Variants in MARCHF1 observed in about 807,000 individuals in gnomAD.
The protein encoded by MARCHF1 is membrane associated ring-CH-type finger 1, also known as E3 ubiquitin-protein ligase MARCHF1.
MARCHF1 carries 40 observed loss-of-function variants against 54.2 expected under a neutral mutation model. The observed-to-expected ratio is 0.74, with a 90% CI of 0.57 to 0.96. The LOEUF is 0.96. Among genes scored for constraint, MARCHF1 ranks in the 40% least tolerant of loss-of-function variants. The pLI is 0.00. For missense variants in MARCHF1, 586 were observed against 656.5 expected, an observed-to-expected ratio of 0.89 and a Z score of 1.17; for synonymous variants, 236 against 236.3, an observed-to-expected ratio of 1.00 and a Z score of 0.01.
At chr4:163,744,020 G>T (rs1318418786) in intron 4 of MARCHF1, among the ~76,000 whole-genome samples, 1 of 152,174 alleles carries the variant, frequency 6.6e-6, no homozygotes, top group Non-Finnish European at 1.5e-5. Context: ...TACTTCAAAT[G>T]TAGTTGTTCC....
chr4:163,816,520 T>C (rs1370192533), intron 4 of MARCHF1, among the ~76,000 whole-genome samples: 1 of 151,968 alleles, frequency 6.6e-6, no homozygotes, highest in African/African-American at 2.4e-5. Flanking sequence ...TTAGGAATAC[T>C]ATTTTATAAT....
intron 1 of MARCHF1, among the ~76,000 whole-genome samples, chr4:164,259,544 C>CAAAA (rs141030578): frequency 1.4e-3 from 80 of 58,910 alleles, no homozygotes; most frequent in African/African-American, 2.2e-3. Flanking sequence ...GACCGTGTCT[C>CAAAA]AAAAAAAAAA....
At chr4:164,010,687 C>T (rs985972072) in intron 2 of MARCHF1, among the ~76,000 whole-genome samples, 1 of 151,940 alleles carries the variant, frequency 6.6e-6, no homozygotes, top group Non-Finnish European at 1.5e-5. Context: ...AATGATAATA[C>T]TACCCAAAGC....
At chr4:163,905,462 C>T (rs1416457529) in intron 3 of MARCHF1, among the ~76,000 whole-genome samples, 1 of 151,986 alleles carries the variant, frequency 6.6e-6, no homozygotes, top group African/African-American at 2.4e-5. Flanking sequence ...ATTGAGCTAA[C>T]TTCAATCTCA....
chr4:164,328,236 T>G (rs916107184), intron 1 of MARCHF1, among the ~76,000 whole-genome samples: 4 of 152,184 alleles, frequency 2.6e-5, no homozygotes, highest in African/African-American at 9.7e-5. Flanking sequence ...AGGTGCGTTC[T>G]GAAAGATGCT....
In MARCHF1 at chr4:163,552,857, C is replaced by A. The variant is rs555191668; in HGVS notation, c.1192-7114G>T. Among the ~76,000 whole-genome samples the A allele has an allele frequency of 3.3e-5, 5 of 152,162 alleles. No homozygotes were observed. In the East Asian group the frequency reaches 9.7e-4, roughly 29 times the overall value. On this transcript the variant is annotated intron_variant, in intron 8 of 9. Coordinates refer to ENST00000514618, the MANE Select transcript of MARCHF1 (RefSeq NM_001394959.1). ...GACCATCCTGGCCAACGTGGTGAAA[C>A]CCTGCATCTACTAAAAATACAAAAA...
At chr4:164,355,837 C>T (rs1183872589) in intron 1 of MARCHF1, among the ~76,000 whole-genome samples, 1 of 114,428 alleles carries the variant, frequency 8.7e-6, no homozygotes. Context: ...CAACCTACAA[C>T]ATGGGAGAAA....
intron 4 of MARCHF1, among the ~76,000 whole-genome samples, chr4:163,770,682 T>G (rs1043928831): frequency 6.6e-6 from 1 of 151,822 alleles, no homozygotes; most frequent in Non-Finnish European, 1.5e-5. Context: ...GAATAAAGAG[T>G]GGCATGCTAT....
intron 2 of MARCHF1, among the ~76,000 whole-genome samples, chr4:164,092,740 C>A (rs1290407522): frequency 6.6e-6 from 1 of 152,082 alleles, no homozygotes; most frequent in Non-Finnish European, 1.5e-5. Flanking sequence ...TGCCACCAGT[C>A]CACTATTGAG....
At chr4:164,110,955 C>T (rs1196982146) in intron 2 of MARCHF1, among the ~76,000 whole-genome samples, 1 of 151,704 alleles carries the variant, frequency 6.6e-6, no homozygotes, top group Non-Finnish European at 1.5e-5. Context: ...AGGAAACATT[C>T]AATTTAATGT....
At chr4:163,718,239 G>A (rs897808097) in intron 4 of MARCHF1, among the ~76,000 whole-genome samples, 5 of 151,978 alleles carry the variant, frequency 3.3e-5, no homozygotes, top group African/African-American at 9.7e-5. Context: ...GGACATAGGC[G>A]TGGGCAAGGA....
chr4:164,020,892 C>T (rs527647742), intron 2 of MARCHF1, among the ~76,000 whole-genome samples: 1 of 152,308 alleles, frequency 6.6e-6, no homozygotes, highest in South Asian at 2.1e-4. Flanking sequence ...GATAGTGCTA[C>T]TGCACTCCAG....
At chr4:164,264,678 G>A (rs1287240445) in intron 1 of MARCHF1, among the ~76,000 whole-genome samples, 2 of 152,036 alleles carry the variant, frequency 1.3e-5, no homozygotes, top group Non-Finnish European at 2.9e-5. Context: ...CCAGCACTTT[G>A]GGAGGCCGAT....
chr4:163,608,690 G>C (rs1741222924), intron 7 of MARCHF1, among the ~76,000 whole-genome samples: 1 of 152,024 alleles, frequency 6.6e-6, no homozygotes, highest in African/African-American at 2.4e-5. Flanking sequence ...TCTGAAAAAG[G>C]CTGTGATGAA....
At chr4:163,851,907 A>G (rs879709951) in intron 4 of MARCHF1, among the ~76,000 whole-genome samples, 1 of 152,214 alleles carries the variant, frequency 6.6e-6, no homozygotes, top group Non-Finnish European at 1.5e-5. Context: ...TGAACCTCCA[A>G]GGAGAGCTGG....
At chr4:163,726,376 CTT>C (rs1162915291) in intron 4 of MARCHF1, among the ~76,000 whole-genome samples, 4 of 152,260 alleles carry the variant, frequency 2.6e-5, no homozygotes, top group South Asian at 4.1e-4. Flanking sequence ...AGGATGTAGT[CTT>C]TTCAGATTGA....
chr4:164,013,752 T>C (rs1380293254), intron 2 of MARCHF1, among the ~76,000 whole-genome samples: 1 of 152,162 alleles, frequency 6.6e-6, no homozygotes, highest in South Asian at 2.1e-4. Context: ...AAAAAAAATC[T>C]TTCAACCTAG....
chr4:164,211,368 C>A (rs1468495198), intron 1 of MARCHF1, among the ~76,000 whole-genome samples: 2 of 141,718 alleles, frequency 1.4e-5, no homozygotes, highest in African/African-American at 2.6e-5. Context: ...ACATTGCAAC[C>A]TGCATATTTG....
chr4:163,682,100 G>T (rs1744123473), intron 5 of MARCHF1, among the ~76,000 whole-genome samples: 1 of 152,192 alleles, frequency 6.6e-6, no homozygotes, highest in African/African-American at 2.4e-5. Flanking sequence ...TGAGGAACTT[G>T]TTGGGAACTA....
Sources: allele counts gnomAD v4.1 joint callset (sites outside exome capture counted in the v4.1 genomes callset), GRCh38; gene constraint gnomAD v4.1.1; transcripts MANE v1.5; gene names NCBI Gene and HGNC (gene_info 2026-07-23, HGNC 2026-07-21).